WWOX: variants seen among roughly 807,000 people sequenced by gnomAD.
The protein encoded by WWOX is WW domain containing oxidoreductase.
Under a neutral mutation model 46.2 loss-of-function variants are expected in WWOX, and 69 were observed. The ratio of observed to expected loss-of-function variants is 1.49; its 90% CI spans 1.23 to 1.82. WWOX has a LOEUF of 1.82. WWOX is among the 40% of genes most tolerant of loss of function. The probability of loss-of-function intolerance (pLI) is 0.00; values close to 1 mark genes in which losing one functional copy is unlikely to be tolerated. For synonymous variants in WWOX, 359 were observed against 202.6 expected, an observed-to-expected ratio of 1.77 and a Z score of -6.56; for missense variants, 919 against 542.6, an observed-to-expected ratio of 1.69 and a Z score of -6.89.
Position 78,343,851 on chromosome 16 carries a change from G to A in WWOX, c.517-43009G>A, listed in dbSNP as rs144404240. Among the ~76,000 whole-genome samples the A allele has an allele frequency of 2.1e-3, 250 of 119,994 alleles. 75 individuals carry two copies. The highest frequency in any genetic ancestry group is 4.2e-3 in the South Asian group (17 of 4,016). 78.7% of individuals were successfully genotyped at this position (119,994 alleles called of 152,430 possible). Reference sequence around the variant, plus strand: ...TTAATATGACACCCGTTTTGGGCTTGAAAAGTTTTCCTTCTGCTGAGAAAT... The same window carrying A: ...TTAATATGACACCCGTTTTGGGCTTAAAAAGTTTTCCTTCTGCTGAGAAAT... On this transcript the variant is annotated intron_variant, in intron 5 of 8. Transcript: ENST00000566780.
chr16:78,928,480 G>A (rs1375545436), intron 8 of WWOX, among the ~76,000 whole-genome samples: 1 of 152,088 alleles, frequency 6.6e-6, no homozygotes, highest in East Asian at 1.9e-4. Context: ...GGGATTACAG[G>A]CGTGAGCCAC....
At chr16:78,602,388 A>G (rs1231199611) in intron 8 of WWOX, among the ~76,000 whole-genome samples, 3 of 151,290 alleles carry the variant, frequency 2.0e-5, no homozygotes, top group Non-Finnish European at 4.4e-5. Flanking sequence ...ACGTGCCACC[A>G]CTCCTGGCTA....
At chr16:78,222,047 A>G (rs1248998600) in intron 5 of WWOX, among the ~76,000 whole-genome samples, 5 of 152,152 alleles carry the variant, frequency 3.3e-5, no homozygotes, top group Non-Finnish European at 7.3e-5. Flanking sequence ...GGCTCCTAAA[A>G]CATCCTGTGG....
chr16:78,200,813 C>G (rs1278438062), intron 5 of WWOX, among the ~76,000 whole-genome samples: 1 of 152,114 alleles, frequency 6.6e-6, no homozygotes, highest in Non-Finnish European at 1.5e-5. Flanking sequence ...CGTGTGCATT[C>G]ACGATGGGCT....
chr16:78,747,310 G>A (rs1254874539), intron 8 of WWOX, among the ~76,000 whole-genome samples: 1 of 151,390 alleles, frequency 6.6e-6, no homozygotes, highest in Non-Finnish European at 1.5e-5. Flanking sequence ...TCTAGCCTCA[G>A]CCTCCCAAAT....
Position 78,123,440 on chromosome 16 carries a change from G to GTTTTGTTTTGTTTTTTTTTTT in WWOX, c.409+8290_409+8291insGTTTTGTTTTTTTTTTTTTTT, listed in dbSNP as rs1567584444. The GTTTTGTTTTGTTTTTTTTTTT allele has an allele frequency of 2.4e-4, 12 of 50,476 alleles. 1 individual carries two copies. Among genetic ancestry groups the GTTTTGTTTTGTTTTTTTTTTT allele is most frequent in the Admixed American group, 9.7e-4 (4 of 4,138 alleles). The allele number at this position is 50,476 out of a possible 1,614,324, so 3.1% of individuals were successfully genotyped here. A position where few individuals can be genotyped will look rare whatever the true frequency, so the allele number is the denominator to read the frequency against. On this transcript the variant is annotated intron_variant, in intron 4 of 8. Transcript: ENST00000566780. ...TGTTTTTTTCTTTGTTTTTTGTTTT[G>GTTTTGTTTTGTTTTTTTTTTT]TTTTTTTTTTTTTTGTTTTTTTTTT...
intron 5 of WWOX, among the ~76,000 whole-genome samples, chr16:78,365,704 T>G (rs2081521135): frequency 6.6e-6 from 1 of 152,194 alleles, no homozygotes; most frequent in African/African-American, 2.4e-5. Context: ...AATAGCCTCA[T>G]TAGTAACTTT....
At chr16:78,290,246 C>A (rs1051303543) in intron 5 of WWOX, among the ~76,000 whole-genome samples, 5 of 151,472 alleles carry the variant, frequency 3.3e-5, no homozygotes, top group Non-Finnish European at 7.4e-5. Flanking sequence ...GAGCACTCTG[C>A]GAGCGGACAT....
At chr16:78,823,754 G>C (rs943455790) in intron 8 of WWOX, among the ~76,000 whole-genome samples, 2 of 151,094 alleles carry the variant, frequency 1.3e-5, no homozygotes, top group African/African-American at 2.4e-5. Context: ...TGGAAGGATT[G>C]GCTACCCTGA....
chr16:78,500,733 A>G (rs1273336975), intron 8 of WWOX, among the ~76,000 whole-genome samples: 1 of 152,212 alleles, frequency 6.6e-6, no homozygotes, highest in Non-Finnish European at 1.5e-5. Context: ...TGGAAGCCCC[A>G]GTAATATCAT....
intron 8 of WWOX, among the ~76,000 whole-genome samples, chr16:78,848,668 C>T (rs1205254587): frequency 1.3e-5 from 2 of 152,150 alleles, no homozygotes; most frequent in Admixed American, 6.5e-5. Flanking sequence ...CTAGGGCTGA[C>T]CCTGAAGCAG....
chr16:78,729,228 G>C (rs2048907521), intron 8 of WWOX, among the ~76,000 whole-genome samples: 1 of 151,924 alleles, frequency 6.6e-6, no homozygotes, highest in African/African-American at 2.4e-5. Flanking sequence ...TGTTGTCCCA[G>C]CTATTTGGGA....
At chr16:78,381,524 A>T (rs1473907228) in intron 5 of WWOX, among the ~76,000 whole-genome samples, 3 of 149,410 alleles carry the variant, frequency 2.0e-5, no homozygotes, top group African/African-American at 7.5e-5. Flanking sequence ...CACATGTGGG[A>T]TGCCACCTGT....
At chr16:78,130,647 G>A (rs1288232912) in intron 4 of WWOX, among the ~76,000 whole-genome samples, 1 of 152,206 alleles carries the variant, frequency 6.6e-6, no homozygotes, top group Non-Finnish European at 1.5e-5. Flanking sequence ...AGAGGCTTGA[G>A]CTTGGTTTAG....
intron 8 of WWOX, among the ~76,000 whole-genome samples, chr16:78,693,701 C>G (rs990311152): frequency 6.6e-6 from 1 of 152,112 alleles, no homozygotes; most frequent in Non-Finnish European, 1.5e-5. Context: ...AGGTGTGCTA[C>G]TAATCGCCCT....
intron 6 of WWOX, among the ~76,000 whole-genome samples, chr16:78,399,045 G>C (rs1012391203): frequency 1.4e-5 from 2 of 147,290 alleles, no homozygotes; most frequent in South Asian, 2.1e-4. Context: ...GATGGAACAG[G>C]TAAGTATAAG....
Position 78,650,292 on chromosome 16 carries a change from C to T in WWOX, c.1056+217540C>T, listed in dbSNP as rs542889440. ...TTGAAGATGAAGAAGTATGTGTATC[C>T]GCTTTTTGTCTTTCAGAATAACATA... is the stretch of plus-strand genomic sequence containing the variant. On this transcript the variant is annotated intron_variant, in intron 8 of 8. Coordinates refer to ENST00000566780, the MANE Select transcript of WWOX (RefSeq NM_016373.4). Among the ~76,000 whole-genome samples, 19 of 152,270 alleles carry T rather than the reference C, an allele frequency of 1.2e-4. 1 individual carries two copies. In the East Asian group the frequency reaches 1.9e-3, roughly 15 times the overall value.
intron 8 of WWOX, among the ~76,000 whole-genome samples, chr16:78,606,723 T>TG (rs1224625982): frequency 6.8e-6 from 1 of 147,584 alleles, no homozygotes; most frequent in African/African-American, 2.5e-5. Flanking sequence ...TTGCAGTTTT[T>TG]TTTTTTTTTT....
intron 8 of WWOX, among the ~76,000 whole-genome samples, chr16:78,870,838 G>C (rs2044111757): frequency 6.6e-6 from 1 of 152,170 alleles, no homozygotes; most frequent in African/African-American, 2.4e-5. Context: ...CTGAGCTTAG[G>C]CAGTCTGCCC....
Sources: gnomAD v4.1 joint callset for allele counts (sites outside exome capture counted in the v4.1 genomes callset) on GRCh38, gnomAD v4.1.1 for gene constraint, MANE v1.5 for transcripts, NCBI Gene and HGNC (gene_info 2026-07-23, HGNC 2026-07-21) for gene names.